CCDC30: variants seen among roughly 807,000 people sequenced by gnomAD.
The protein encoded by CCDC30 is coiled-coil domain containing 30.
Under a neutral mutation model 100.2 loss-of-function variants are expected in CCDC30, and 70 were observed. That is an observed-to-expected ratio of 0.70 (90% confidence interval 0.58 to 0.85). CCDC30 has a LOEUF of 0.85. CCDC30 is among the 40% of genes least tolerant of loss of function. CCDC30 has a pLI of 0.00. For synonymous variants in CCDC30, 233 were observed against 269.5 expected (o/e 0.86, Z 1.33); for missense variants, 652 against 771.2 (o/e 0.85, Z 1.83).
chr1:42,637,449 C>G, intron 12 of CCDC30, 71 bp downstream of exon 16: 2 of 1,455,472 alleles, frequency 1.4e-6, no homozygotes, highest in Non-Finnish European at 1.9e-6. Flanking sequence ...AAAGCCTTTT[C>G]ATTTTAAAAA....
chr1:42,456,725 G>C, the CCDC30 span: 7 of 1,609,576 alleles, frequency 4.3e-6, no homozygotes. Flanking sequence ...AGCGCGGCCG[G>C]TGCGCTTCCT....
At chr1:42,593,534 A>T (rs192130490) in intron 10 of CCDC30, 2 of 152,124 alleles carry the variant, frequency 1.3e-5, no homozygotes, top group Non-Finnish European at 2.9e-5. Flanking sequence ...TTAGTGATTA[A>T]CTCAACCTTT....
exon 17 of CCDC30, chr1:42,654,001 A>G: frequency 6.2e-7 from 1 of 1,614,004 alleles, no homozygotes; most frequent in Non-Finnish European, 8.5e-7. Flanking sequence ...ATGGTATACA[A>G]GAACAAGACC....
upstream of CCDC30, chr1:42,460,087 C>T: frequency 7.2e-7 from 1 of 1,388,100 alleles, no homozygotes; most frequent in Non-Finnish European, 9.3e-7. Flanking sequence ...TTTAATGACA[C>T]CTGATATGAT....
Position 42,543,855 on chromosome 1 carries a change from G to A in CCDC30, c.457-22441G>A, listed in dbSNP as rs139109245. Among the ~76,000 whole-genome samples the A allele has an allele frequency of 5.9e-5, 9 of 152,250 alleles. No individual in the cohort carries two copies. The East Asian group carries it at 1.3e-3, about 23-fold the overall frequency. On this transcript the variant is annotated intron_variant, in intron 6 of 16. Transcript: ENST00000668663. ...AGTTTCTCTTCAGAGAATTGAAAAG[G>A]CATAGGAAACCAAAGGGATCTCTTA...
intron 8 of CCDC30, among the ~76,000 whole-genome samples, chr1:42,578,963 A>T (rs1003508471): frequency 6.6e-6 from 1 of 152,148 alleles, no homozygotes; most frequent in Non-Finnish European, 1.5e-5. Flanking sequence ...TGCTGTGTCT[A>T]TGGAACAGCC....
rs1645525939 is a variant in CCDC30, at chr1:42,563,008, A to G, written c.457-3288A>G. On this transcript the variant is annotated intron_variant, in intron 6 of 16. Transcript: ENST00000668663. ...GGAATGCTTTTACATTGTTGGTGGG[A>G]ATGTAAATTAGTTCAACCATTGTGG... 9.8e-5 allele frequency among the ~76,000 whole-genome samples: 15 copies of G among 152,328 alleles called. No homozygotes were observed. The South Asian group carries it at 3.1e-3, about 32-fold the overall frequency.
chr1:42,608,527 C>T (rs949395924), intron 10 of CCDC30, among the ~76,000 whole-genome samples: 3 of 151,256 alleles, frequency 2.0e-5, no homozygotes, highest in South Asian at 2.1e-4. Flanking sequence ...CCGTGAAACC[C>T]GTCTCTAGTA....
chr1:42,537,266 C>T, intron 6 of CCDC30: 1 of 456,098 alleles, frequency 2.2e-6, no homozygotes, highest in Non-Finnish European at 4.4e-6. Context: ...CATAATCAGC[C>T]TATATTATGA....
intron 8 of CCDC30, among the ~76,000 whole-genome samples, chr1:42,577,645 A>G (rs573568521): frequency 1.6e-4 from 25 of 151,520 alleles, no homozygotes; most frequent in African/African-American, 4.1e-4. Flanking sequence ...TTATTTATTT[A>G]TTTATTTATT....
chr1:42,478,872 A>G (rs1422627959), intron 1 of CCDC30, among the ~76,000 whole-genome samples: 1 of 152,194 alleles, frequency 6.6e-6, no homozygotes, highest in Non-Finnish European at 1.5e-5. Flanking sequence ...GTTAAAGCTA[A>G]TATTTTGTTT....
chr1:42,498,717 G>A (rs1644264910), intron 5 of CCDC30, 101 bp from the exon 6 acceptor site: 3 of 489,564 alleles, frequency 6.1e-6, no homozygotes, highest in Non-Finnish European at 9.7e-6. Context: ...GATTTACAAG[G>A]AGAATGTATT....
chr1:42,551,912 G>A (rs1250946165), intron 6 of CCDC30, among the ~76,000 whole-genome samples: 2 of 151,784 alleles, frequency 1.3e-5, no homozygotes, highest in Non-Finnish European at 2.9e-5. Flanking sequence ...ATAGGTACAT[G>A]CCACCACATC....
intron 10 of CCDC30, chr1:42,592,617 G>A (rs1646208297): frequency 6.6e-6 from 1 of 152,198 alleles, no homozygotes; most frequent in Admixed American, 6.6e-5. Context: ...GGAGGCTGAG[G>A]TGGGGAAGAT....
the CCDC30 span, chr1:42,456,351 C>A: frequency 1.6e-6 from 1 of 629,198 alleles, no homozygotes; most frequent in Non-Finnish European, 2.7e-6. Context: ...AGATGCCCAC[C>A]CAGCCGGGGA....
At chr1:42,457,283 C>T in the CCDC30 span, 1 of 1,614,198 alleles carries the variant, frequency 6.2e-7, no homozygotes, top group Non-Finnish European at 8.5e-7. Flanking sequence ...GCGGCTGTGT[C>T]AGATTTCTAT....
chr1:42,478,195 A>G (rs1643904639), intron 1 of CCDC30, among the ~76,000 whole-genome samples: 1 of 152,218 alleles, frequency 6.6e-6, no homozygotes. Context: ...ATGTTTTAGA[A>G]AAATTACTCT....
chr1:42,625,568 C>T (rs113515665), intron 11 of CCDC30, among the ~76,000 whole-genome samples: 3,925 of 151,960 alleles, frequency 0.026, 147 homozygotes, highest in African/African-American at 0.089. Flanking sequence ...CATTATCATT[C>T]GTTTCAATAA....
At chr1:42,499,039 A>G in intron 6 of CCDC30, 123 bp downstream of exon 6, 1 of 443,548 alleles carries the variant, frequency 2.3e-6, no homozygotes, top group Non-Finnish European at 3.7e-6. Flanking sequence ...GTCTTTTTCT[A>G]ATGCTCAGCT....
Sources: gnomAD v4.1 joint callset for allele counts (sites outside exome capture counted in the v4.1 genomes callset) on GRCh38, gnomAD v4.1.1 for gene constraint, MANE v1.5 for transcripts, NCBI Gene and HGNC (gene_info 2026-07-23, HGNC 2026-07-21) for gene names.